The following NEB variants were observed in gnomAD, a reference collection of about 807,000 sequenced individuals.
NEB encodes nemaline myopathy type 2.
A neutral mutation model predicts 952.2 loss-of-function variants in NEB; 512 were observed. That is an observed-to-expected ratio of 0.54 (90% confidence interval 0.50 to 0.58). The LOEUF (loss-of-function observed/expected upper bound fraction) is 0.58. Ranked by LOEUF, NEB falls within the 20% of genes least tolerant of loss-of-function variation. The pLI, the probability that NEB is intolerant of heterozygous loss-of-function variation, is 0.00. For synonymous variants in NEB, 2,900 were observed against 3,149.8 expected, an observed-to-expected ratio of 0.92 and a Z score of 2.66; for missense variants, 8,428 against 9,231.1, an observed-to-expected ratio of 0.91 and a Z score of 3.56.
chr2:151,532,181 C>A, intron 143 of NEB: 1 of 250,760 alleles, frequency 4.0e-6, no homozygotes, highest in Admixed American at 5.2e-5. Context: ...ACTGCAACCT[C>A]CACCTCCCAG....
At chr2:151,726,445 A>G (rs2099790659) in intron 5 of NEB, among the ~76,000 whole-genome samples, 1 of 152,220 alleles carries the variant, frequency 6.6e-6, no homozygotes, top group African/African-American at 2.4e-5. Context: ...CTCAACCTCA[A>G]TAGGATGCTT....
In NEB at chr2:151,498,150, T is replaced by C. The variant is rs2061605294; in HGVS notation, c.24207+110A>G. 2.0e-6 allele frequency: 3 copies of C among 1,532,482 alleles called. No homozygotes were observed. In the Admixed American group the frequency reaches 5.9e-5, roughly 30 times the overall value. The allele number at this position is 1,532,482 out of a possible 1,614,324, so 94.9% of individuals were successfully genotyped here. ...AAGTATATCCTTTTGTAATATAAGA[T>C]GTATTAGAAGCAAAGAAGGGAAATG... On this transcript the variant is annotated intron_variant, in intron 170 of 181. Coordinates refer to ENST00000397345, the MANE Select transcript of NEB (RefSeq NM_001164508.2).
At position 151,517,898 on chromosome 2, in the gene NEB, C is replaced by T. The variant is rs568371034; in HGVS notation, c.22800+420G>A. Among the ~76,000 whole-genome samples the T allele has an allele frequency of 2.0e-5, 3 of 152,304 alleles. 1 individual carries two copies. The South Asian group carries it at 6.2e-4, about 32-fold the overall frequency. On this transcript the variant is annotated intron_variant, in intron 156 of 181. Coordinates refer to ENST00000397345, the MANE Select transcript of NEB (RefSeq NM_001164508.2). ...AACATCATGCGGTATATGACTGTATCTTAAAAATTTAGTAATTTTGTAAAT... is the reference window on the plus strand; with the variant it reads ...AACATCATGCGGTATATGACTGTATTTTAAAAATTTAGTAATTTTGTAAAT...
At chr2:151,655,793 G>A in intron 50 of NEB, 24 bp downstream of exon 50, 1 of 1,610,140 alleles carries the variant, frequency 6.2e-7, no homozygotes, top group Non-Finnish European at 8.5e-7. Context: ...TGGGAGCTGT[G>A]TGGACGGCCA....
intron 105 of NEB, among the ~76,000 whole-genome samples, chr2:151,577,856 G>C (rs1490725569): frequency 6.6e-6 from 1 of 152,090 alleles, no homozygotes; most frequent in African/African-American, 2.4e-5. Flanking sequence ...TGAGATTACA[G>C]GTGTGAGCCA....
chr2:151,551,002 C>A (rs1440887405), intron 129 of NEB, among the ~76,000 whole-genome samples: 1 of 145,800 alleles, frequency 6.9e-6, no homozygotes, highest in East Asian at 2.0e-4. Flanking sequence ...AGTTTTGCTC[C>A]TGTTGCCCAA....
chr2:151,491,391 A>G, intron 179 of NEB: 1 of 283,794 alleles, frequency 3.5e-6, no homozygotes, highest in Middle Eastern at 1.2e-3. Flanking sequence ...TATTTTATGT[A>G]TTTTCATTAT....
intron 21 of NEB, 37 bp from the exon 22 acceptor site, chr2:151,692,203 C>G (rs751181789): frequency 6.2e-7 from 1 of 1,610,120 alleles, no homozygotes; most frequent in South Asian, 1.1e-5. Context: ...AGTTAACAAT[C>G]ATTTGTCAAA....
intron 46 of NEB, among the ~76,000 whole-genome samples, chr2:151,660,426 A>C (rs937972658): frequency 6.6e-6 from 1 of 152,176 alleles, no homozygotes; most frequent in African/African-American, 2.4e-5. Flanking sequence ...ATGATACCTG[A>C]GTTTTAAATT....
intron 169 of NEB, 82 bp from the exon 170 acceptor site, chr2:151,498,434 AAGGG>A: frequency 1.1e-6 from 1 of 945,220 alleles, no homozygotes. Context: ...TGGGAGTGGG[AAGGG>A]AGGAAGAGAG....
At chr2:151,670,884 C>A (rs2099277579) in intron 38 of NEB, 139 bp downstream of exon 38, 9 of 857,146 alleles carry the variant, frequency 1.0e-5, no homozygotes, top group Non-Finnish European at 1.6e-5. Context: ...CAAAAGGCAG[C>A]CCTTTCTCTC....
At chr2:151,490,614 C>T in intron 179 of NEB, 96 bp from the exon 180 acceptor site, 1 of 1,441,230 alleles carries the variant, frequency 6.9e-7, no homozygotes, top group Non-Finnish European at 9.5e-7. Flanking sequence ...GTTATCTTTG[C>T]CAAGCATGGT....
At chr2:151,622,508 A>G (rs1403310334) in intron 71 of NEB, among the ~76,000 whole-genome samples, 1 of 152,184 alleles carries the variant, frequency 6.6e-6, no homozygotes, top group Non-Finnish European at 1.5e-5. Context: ...TACAATGAAT[A>G]CCAACTATCC....
At chr2:151,691,122 C>G (rs1006033104) in intron 23 of NEB, among the ~76,000 whole-genome samples, 1 of 152,178 alleles carries the variant, frequency 6.6e-6, no homozygotes, top group South Asian at 2.1e-4. Flanking sequence ...TTCAACTGCA[C>G]GTTGGCTTAT....
chr2:151,536,346 T>A (rs545030782), intron 141 of NEB, among the ~76,000 whole-genome samples: 2 of 152,376 alleles, frequency 1.3e-5, no homozygotes, highest in South Asian at 4.1e-4. Flanking sequence ...AGATTTATTT[T>A]CCATATTGGG....
chr2:151,547,091 G>A (rs760560828), intron 133 of NEB, among the ~76,000 whole-genome samples: 1 of 152,276 alleles, frequency 6.6e-6, no homozygotes, highest in Non-Finnish European at 1.5e-5. Flanking sequence ...GTAGGGATGA[G>A]TGAGAGGAAA....
intron 58 of NEB, 25 bp from the exon 59 acceptor site, chr2:151,642,894 T>A: frequency 6.5e-7 from 1 of 1,537,690 alleles, no homozygotes; most frequent in Non-Finnish European, 8.9e-7. Context: ...AAAACATGAC[T>A]GGTATAGGCC....
At position 151,562,662 on chromosome 2, in the gene NEB, C is replaced by T. The variant is rs769945267; in HGVS notation, c.18840G>A (p.Leu6280=). The T allele has an allele frequency of 6.3e-7, 1 of 1,598,730 alleles. No homozygotes were observed. Among genetic ancestry groups the T allele is most frequent in the Non-Finnish European group, 8.6e-7 (1 of 1,168,300 alleles). Residue 6280 remains leucine (L), a synonymous_variant, in exon 120 of 182, where the codon CTG becomes CTA. Transcript: ENST00000397345. ...GGACGCGTATAACATTGGGTTCTTC[C>T]AGAAGAGACGTCCACTGGTGGAAAT... ...RHYFHQWTSL[L]EEPNVIRVRN...
At chr2:151,660,281 C>G (rs2099132182) in intron 46 of NEB, among the ~76,000 whole-genome samples, 1 of 152,130 alleles carries the variant, frequency 6.6e-6, no homozygotes, top group Admixed American at 6.5e-5. Flanking sequence ...ACTAGGATCC[C>G]TAAAAAATAC....
Sources: allele counts gnomAD v4.1 joint callset (sites outside exome capture counted in the v4.1 genomes callset), GRCh38; gene constraint gnomAD v4.1.1; transcripts MANE v1.5; gene names NCBI Gene and HGNC (gene_info 2026-07-23, HGNC 2026-07-21).